ARHGAP26: variants seen among roughly 807,000 people sequenced by gnomAD.
ARHGAP26 encodes the protein Rho GTPase activating protein 26.
A neutral mutation model predicts 104.8 loss-of-function variants in ARHGAP26; 38 were observed. The ratio of observed to expected loss-of-function variants is 0.36; its 90% CI spans 0.28 to 0.48. ARHGAP26 has a LOEUF of 0.48. Among genes scored for constraint, ARHGAP26 ranks in the 20% least tolerant of loss-of-function variants. The probability of loss-of-function intolerance (pLI) is 0.99; values close to 1 mark genes in which losing one functional copy is unlikely to be tolerated. For missense variants in ARHGAP26, 704 were observed against 947.9 expected (o/e 0.74, Z 3.38); for synonymous variants, 341 against 340.0 (o/e 1.00, Z -0.03).
chr5:143,199,253 T>A (rs2151302984), intron 20 of ARHGAP26, among the ~76,000 whole-genome samples: 1 of 152,332 alleles, frequency 6.6e-6, no homozygotes, highest in East Asian at 1.9e-4. Flanking sequence ...AGTTGTGAAG[T>A]ACATACTGAA....
rs1811856484 is a variant in ARHGAP26 at position 143,228,850 on chromosome 5, G to A, written c.*6404G>A. 5.3e-6 allele frequency: 1 copy of A among 190,416 alleles called. No homozygotes were observed. The highest frequency in any genetic ancestry group is 1.1e-5 in the Non-Finnish European group (1 of 90,468). 11.8% of individuals were successfully genotyped at this position (190,416 alleles called of 1,614,324 possible). A position where few individuals can be genotyped will look rare whatever the true frequency, so the allele number is the denominator to read the frequency against. ...TGCCATGTTCAGGCTTTTAAAAAAT[G>A]CTTTTGTGTCACCAAATATATCTAT... is the stretch of plus-strand genomic sequence containing the variant. On this transcript the variant is annotated 3_prime_UTR_variant, in exon 23 of 23. Coordinates refer to ENST00000645722, the MANE Select transcript of ARHGAP26 (RefSeq NM_001135608.3).
chr5:142,800,391 T>C (rs1761850010), intron 1 of ARHGAP26, among the ~76,000 whole-genome samples: 2 of 150,414 alleles, frequency 1.3e-5, no homozygotes. Flanking sequence ...TTTTCTGAGA[T>C]GGAGTTTCAC....
chr5:142,837,820 A>G (rs1409625478), intron 1 of ARHGAP26, among the ~76,000 whole-genome samples: 2 of 152,204 alleles, frequency 1.3e-5, no homozygotes, highest in African/African-American at 4.8e-5. Flanking sequence ...AAACAATACA[A>G]AACAGTTTTG....
intron 11 of ARHGAP26, among the ~76,000 whole-genome samples, chr5:142,959,844 T>A (rs1769917205): frequency 6.6e-6 from 1 of 152,246 alleles, no homozygotes; most frequent in African/African-American, 2.4e-5. Context: ...AGGGGAGCTA[T>A]TTTTAGAATT....
intron 12 of ARHGAP26, among the ~76,000 whole-genome samples, chr5:143,033,470 G>A (rs1188888723): frequency 2.6e-5 from 4 of 152,132 alleles, no homozygotes; most frequent in Non-Finnish European, 4.4e-5. Context: ...ACTTCCTACA[G>A]TGCCACACAC....
chr5:142,803,042 C>T (rs531813809), intron 1 of ARHGAP26, among the ~76,000 whole-genome samples: 12 of 152,162 alleles, frequency 7.9e-5, no homozygotes, highest in East Asian at 1.9e-4. Flanking sequence ...CAGCCTCATG[C>T]GCAGACTGTC....
intron 11 of ARHGAP26, among the ~76,000 whole-genome samples, chr5:142,973,074 C>A (rs61561102): frequency 0.037 from 5,570 of 151,946 alleles, 226 homozygotes; most frequent in East Asian, 0.13. Flanking sequence ...ATTGGTAATT[C>A]CCCCTAGTCC....
intron 20 of ARHGAP26, chr5:143,170,198 A>G (rs1187271439): frequency 6.6e-6 from 1 of 152,218 alleles, no homozygotes; most frequent in African/African-American, 2.4e-5. Flanking sequence ...GTGACTAAGC[A>G]GAAGGAAAAG....
At chr5:142,900,293 C>T (rs1299026737) in intron 6 of ARHGAP26, among the ~76,000 whole-genome samples, 1 of 152,068 alleles carries the variant, frequency 6.6e-6, no homozygotes, top group Non-Finnish European at 1.5e-5. Context: ...CATTATCAGT[C>T]TCTAGTGACT....
At chr5:143,144,927 A>G (rs978198902) in intron 19 of ARHGAP26, among the ~76,000 whole-genome samples, 2 of 152,246 alleles carry the variant, frequency 1.3e-5, no homozygotes, top group Non-Finnish European at 2.9e-5. Context: ...TTGTCTACAG[A>G]TGATGAGACC....
intron 20 of ARHGAP26, among the ~76,000 whole-genome samples, chr5:143,191,003 G>A (rs2151252168): frequency 6.6e-6 from 1 of 152,348 alleles, no homozygotes; most frequent in South Asian, 2.1e-4. Flanking sequence ...GAGTTAGAAT[G>A]CAGATCAGTG....
chr5:142,790,280 A>G (rs994472542), intron 1 of ARHGAP26, among the ~76,000 whole-genome samples: 2 of 152,152 alleles, frequency 1.3e-5, no homozygotes, highest in African/African-American at 4.8e-5. Context: ...GGGCTGAATG[A>G]CCTTCCATTC....
At chr5:143,103,649 G>T (rs962611941) in intron 17 of ARHGAP26, among the ~76,000 whole-genome samples, 1 of 152,158 alleles carries the variant, frequency 6.6e-6, no homozygotes, top group African/African-American at 2.4e-5. Flanking sequence ...CCTTTGCAGG[G>T]ACATGGATGA....
At chr5:142,927,179 T>A (rs1764032189) in intron 10 of ARHGAP26, among the ~76,000 whole-genome samples, 1 of 152,156 alleles carries the variant, frequency 6.6e-6, no homozygotes, top group African/African-American at 2.4e-5. Context: ...TGAGGTGTAA[T>A]CACAGTAAAA....
chr5:143,222,281 ACACC>A, intron 22 of ARHGAP26, 73 bp from the exon 23 acceptor site: 4 of 844,134 alleles, frequency 4.7e-6, no homozygotes, highest in East Asian at 2.7e-5. Flanking sequence ...ACACACACAC[ACACC>A]CCACACACAC....
intron 20 of ARHGAP26, among the ~76,000 whole-genome samples, chr5:143,180,854 C>G (rs1422869272): frequency 6.6e-6 from 1 of 152,210 alleles, no homozygotes; most frequent in East Asian, 1.9e-4. Flanking sequence ...AGATCTCCTA[C>G]CTGTTCTTTA....
intron 22 of ARHGAP26, among the ~76,000 whole-genome samples, chr5:143,220,090 A>G (rs1410629560): frequency 1.3e-5 from 2 of 152,230 alleles, no homozygotes; most frequent in East Asian, 3.9e-4. Context: ...AAAAGGAGAA[A>G]GGTCTGAAGG....
At chr5:143,164,075 C>A (rs565372074) in intron 20 of ARHGAP26, among the ~76,000 whole-genome samples, 1 of 149,678 alleles carries the variant, frequency 6.7e-6, no homozygotes, top group East Asian at 1.9e-4. Context: ...AAACATCTAG[C>A]AGTTTACTAA....
chr5:142,853,295 C>G (rs1465705640), intron 1 of ARHGAP26, among the ~76,000 whole-genome samples: 1 of 152,082 alleles, frequency 6.6e-6, no homozygotes, highest in Non-Finnish European at 1.5e-5. Flanking sequence ...AGTGATCCCC[C>G]TACCCCTACC....
Sources: allele counts gnomAD v4.1 joint callset (sites outside exome capture counted in the v4.1 genomes callset), GRCh38; gene constraint gnomAD v4.1.1; transcripts MANE v1.5; gene names NCBI Gene and HGNC (gene_info 2026-07-23, HGNC 2026-07-21).